The following DNAH12 variants were observed in gnomAD, a reference collection of about 807,000 sequenced individuals.
The protein encoded by DNAH12 is axonemal beta dynein heavy chain 12.
DNAH12 carries 285 observed loss-of-function variants against 371.5 expected under a neutral mutation model. That is an observed-to-expected ratio of 0.77 (90% CI 0.70 to 0.85). The LOEUF is 0.85. Among genes scored for constraint, DNAH12 ranks in the 40% least tolerant of loss-of-function variants. The pLI is 0.00. For synonymous variants in DNAH12, 1,200 were observed against 1,213.0 expected (o/e 0.99, Z 0.22); for missense variants, 3,611 against 3,689.4 (o/e 0.98, Z 0.55).
intron 4 of DNAH12, among the ~76,000 whole-genome samples, chr3:57,515,388 A>AC (rs1459146768): frequency 6.6e-6 from 1 of 151,794 alleles, no homozygotes; most frequent in Non-Finnish European, 1.5e-5. Flanking sequence ...GATATGTAAA[A>AC]AAAAGACGAA....
chr3:57,322,306 A>G (rs1348009331), intron 65 of DNAH12, 37 bp downstream of exon 65: 1 of 1,528,832 alleles, frequency 6.5e-7, no homozygotes, highest in Non-Finnish European at 8.8e-7. Context: ...TGATCACTAT[A>G]AAACACATTT....
intron 25 of DNAH12, among the ~76,000 whole-genome samples, chr3:57,450,360 A>G (rs539821680): frequency 2.0e-5 from 3 of 151,564 alleles, no homozygotes; most frequent in Non-Finnish European, 2.9e-5. Flanking sequence ...ACCAGCCTAC[A>G]TAACATGGAG....
chr3:57,308,247 C>G (rs1305534107), intron 69 of DNAH12, among the ~76,000 whole-genome samples: 2 of 152,174 alleles, frequency 1.3e-5, no homozygotes, highest in African/African-American at 4.8e-5. Context: ...CATAATTCCT[C>G]TCTCTGGCCT....
chr3:57,338,800 A>G (rs948580331), intron 60 of DNAH12, among the ~76,000 whole-genome samples: 3 of 152,172 alleles, frequency 2.0e-5, no homozygotes, highest in Admixed American at 6.5e-5. Context: ...GGAAGTGAGG[A>G]GCACCTCTGC....
the DNAH12 span, among the ~76,000 whole-genome samples, chr3:57,555,014 G>A: frequency 6.6e-6 from 1 of 152,152 alleles, no homozygotes; most frequent in Admixed American, 6.5e-5. Flanking sequence ...GGGAGGGTAA[G>A]GCGGGGGGCT....
intron 55 of DNAH12, among the ~76,000 whole-genome samples, chr3:57,372,851 G>C (rs1350216289): frequency 3.9e-5 from 6 of 152,070 alleles, no homozygotes; most frequent in African/African-American, 1.2e-4. Flanking sequence ...AAATCTAAGT[G>C]TATCAATAAT....
rs28687932 is a variant in DNAH12 at position 57,483,168 on chromosome 3, G to A, written c.1650+208C>T. ...AATCAACTGGAAACCTCTAGAAGAG[G>A]ACAGGGGAGAAGGAGAGGCATGGCG... On this transcript the variant is annotated intron_variant, in intron 13 of 73. Transcript: ENST00000495027. Among the ~76,000 whole-genome samples, 1,353 of 151,830 alleles carry A rather than the reference G, an allele frequency of 8.9e-3. 7 individuals are homozygous for A. Among genetic ancestry groups the A allele is most frequent in the Non-Finnish European group, 0.014 (955 of 67,954 alleles).
intron 39 of DNAH12, among the ~76,000 whole-genome samples, chr3:57,409,505 T>A (rs1052792391): frequency 6.6e-6 from 1 of 152,036 alleles, no homozygotes; most frequent in Non-Finnish European, 1.5e-5. Context: ...TACAAAATAT[T>A]ACATGTAATA....
chr3:57,520,075 T>TGGAGCCTCCCGTCG (rs11271610), intron 4 of DNAH12: 7 of 578,112 alleles, frequency 1.2e-5, no homozygotes, highest in Non-Finnish European at 1.6e-5. Context: ...GGCGGCTCTG[T>TGGAGCCTCCCGTCG]GGCTACAGCG....
intron 9 of DNAH12, among the ~76,000 whole-genome samples, chr3:57,502,808 G>A (rs1326677086): frequency 6.6e-6 from 1 of 152,148 alleles, no homozygotes; most frequent in Non-Finnish European, 1.5e-5. Context: ...GCCTCCCAAA[G>A]TCCTGGGATT....
rs117887945 is a variant in DNAH12 at position 57,520,731 on chromosome 3, G to A, written c.279+2852C>T. ...GCTGGGATTACAGGTGTGAGCACCC[G>A]GCCCGTTTTTACCCATTTTCTAATC... is the stretch of plus-strand genomic sequence containing the variant. On this transcript the variant is annotated intron_variant, in intron 4 of 73. Coordinates refer to ENST00000495027, the MANE Select transcript of DNAH12 (RefSeq NM_001366028.2). Among the ~76,000 whole-genome samples, 85 of 151,544 alleles carry A rather than the reference G, an allele frequency of 5.6e-4. 1 individual carries two copies. The East Asian group carries it at 0.012, about 21-fold the overall frequency.
upstream of DNAH12, among the ~76,000 whole-genome samples, chr3:57,545,231 C>A (rs1283359827): frequency 6.6e-6 from 1 of 150,720 alleles, no homozygotes; most frequent in East Asian, 2.0e-4. Context: ...ACAACCTCCA[C>A]CTCCCAGGTT....
chr3:57,407,549 G>C (rs1478800535), intron 40 of DNAH12, among the ~76,000 whole-genome samples: 2 of 152,140 alleles, frequency 1.3e-5, no homozygotes, highest in Non-Finnish European at 2.9e-5. Flanking sequence ...AAGGATTCTA[G>C]GGAGTTTTCT....
At chr3:57,505,489 G>A (rs1575700995) in intron 8 of DNAH12, among the ~76,000 whole-genome samples, 1 of 152,186 alleles carries the variant, frequency 6.6e-6, no homozygotes, top group East Asian at 1.9e-4. Flanking sequence ...CGGTCAGGCT[G>A]GAGTGCAATG....
intron 39 of DNAH12, among the ~76,000 whole-genome samples, chr3:57,410,206 C>T (rs1278910834): frequency 6.6e-5 from 10 of 151,998 alleles, no homozygotes; most frequent in African/African-American, 2.4e-4. Context: ...TTTTAGAAAC[C>T]TGTGTTGAGC....
At chr3:57,361,052 T>C (rs1257642011) in intron 58 of DNAH12, among the ~76,000 whole-genome samples, 1 of 151,680 alleles carries the variant, frequency 6.6e-6, no homozygotes, top group Non-Finnish European at 1.5e-5. Context: ...AGAAGTAACA[T>C]AAAAATATCA....
chr3:57,357,950 T>C (rs1056652183), intron 58 of DNAH12, among the ~76,000 whole-genome samples: 13 of 152,210 alleles, frequency 8.5e-5, no homozygotes, highest in African/African-American at 2.9e-4. Flanking sequence ...GCTGTAGATA[T>C]TCAACCCCCA....
rs185228305 is a variant in DNAH12 at position 57,475,574 on chromosome 3, T to C, written c.1651-2903A>G. Among the ~76,000 whole-genome samples the C allele has an allele frequency of 1.5e-3, 230 of 152,304 alleles. 1 individual carries two copies. The highest frequency in any genetic ancestry group is 5.4e-3 in the African/African-American group (224 of 41,566). On this transcript the variant is annotated intron_variant, in intron 13 of 73. Coordinates refer to ENST00000495027, the MANE Select transcript of DNAH12 (RefSeq NM_001366028.2). ...TTTGTGTTATGTTCATTTTACCACT[T>C]TTTTAACTGCTACAAATCAATAAGG...
At chr3:57,326,354 T>G (rs1305154279) in intron 62 of DNAH12, among the ~76,000 whole-genome samples, 5 of 152,096 alleles carry the variant, frequency 3.3e-5, no homozygotes, top group Non-Finnish European at 7.4e-5. Flanking sequence ...GACTAACAGC[T>G]GAGCTCTCGG....
Sources: gnomAD v4.1 joint callset for allele counts (sites outside exome capture counted in the v4.1 genomes callset) on GRCh38, gnomAD v4.1.1 for gene constraint, MANE v1.5 for transcripts, NCBI Gene and HGNC (gene_info 2026-07-23, HGNC 2026-07-21) for gene names.